Variants in MYPN observed in about 807,000 individuals in gnomAD.
The protein encoded by MYPN is myopalladin.
A neutral mutation model predicts 129.4 loss-of-function variants in MYPN; 63 were observed. The observed-to-expected ratio is 0.49, with a 90% CI of 0.40 to 0.60. The LOEUF (loss-of-function observed/expected upper bound fraction) is 0.60. Among genes scored for constraint, MYPN ranks in the 20% least tolerant of loss-of-function variants. The pLI is 0.00. For synonymous variants in MYPN, 629 were observed against 600.9 expected (o/e 1.05, Z -0.68); for missense variants, 1,596 against 1,635.4 (o/e 0.98, Z 0.42).
intron 7 of MYPN, among the ~76,000 whole-genome samples, chr10:68,160,456 CAG>C (rs796660477): frequency 4.3e-5 from 4 of 93,242 alleles, no homozygotes; most frequent in Non-Finnish European, 8.9e-5. Flanking sequence ...AAAAAAAAAA[CAG>C]AGAGAGAGAA....
chr10:68,120,996 G>A (rs998565090), intron 1 of MYPN, among the ~76,000 whole-genome samples: 2 of 152,064 alleles, frequency 1.3e-5, no homozygotes, highest in Non-Finnish European at 2.9e-5. Flanking sequence ...TTTGTAAAAG[G>A]GGGAGGGCAC....
intron 1 of MYPN, among the ~76,000 whole-genome samples, chr10:68,098,661 C>T (rs2041968264): frequency 6.6e-6 from 1 of 152,004 alleles, no homozygotes; most frequent in African/African-American, 2.4e-5. Flanking sequence ...CTGGGCAACA[C>T]GGCAAAACCT....
chr10:68,121,611 A>G lies in MYPN; in HGVS notation c.173A>G (p.Asp58Gly). 2.5e-6 allele frequency: 4 copies of G among 1,614,238 alleles called. No homozygotes were observed. The highest frequency in any genetic ancestry group is 1.3e-5 in the African/African-American group (1 of 75,070). The change falls in exon 2 of 20, where the codon GAT becomes GGT. Residue 58 changes from aspartate (D) to glycine (G), a missense_variant. Coordinates refer to ENST00000358913, the MANE Select transcript of MYPN (RefSeq NM_032578.4). The part of the protein sequence containing the change: ...SGAAEGGGGQ[D>G]DLPDLSAFLS... ...GCCGCTGAAGGAGGCGGAGGCCAAG[A>G]TGACCTTCCAGATCTTTCAGCCTTT...
chr10:68,133,113 C>T (rs1211757576), intron 2 of MYPN, among the ~76,000 whole-genome samples: 1 of 150,742 alleles, frequency 6.6e-6, no homozygotes, highest in African/African-American at 2.5e-5. Context: ...GTAACCACCA[C>T]CTTCTTGGTT....
chr10:68,129,387 A>AT (rs958743940), intron 2 of MYPN, among the ~76,000 whole-genome samples: 1 of 152,102 alleles, frequency 6.6e-6, no homozygotes, highest in Non-Finnish European at 1.5e-5. Flanking sequence ...TACTACTTGA[A>AT]TTTTTTTCTT....
At position 68,207,207 on chromosome 10, in the gene MYPN, G is replaced by A. The variant is rs1044368196; in HGVS notation, c.3793+304G>A. Among the ~76,000 whole-genome samples, 7 of 152,214 alleles carry A rather than the reference G, an allele frequency of 4.6e-5. No individual in the cohort carries two copies. In the South Asian group the frequency reaches 8.3e-4, roughly 18 times the overall value. On this transcript the variant is annotated intron_variant, in intron 19 of 19. Coordinates refer to ENST00000358913, the MANE Select transcript of MYPN (RefSeq NM_032578.4). ...CAGGAGGCAGAGGTTGCAGTGACCCGAGATTGCACCACTGCACTCCAGCCT... is the reference window on the plus strand; with the variant it reads ...CAGGAGGCAGAGGTTGCAGTGACCCAAGATTGCACCACTGCACTCCAGCCT...
At chr10:68,168,839 T>A (rs2043093864) in intron 10 of MYPN, among the ~76,000 whole-genome samples, 6 of 151,790 alleles carry the variant, frequency 4.0e-5, no homozygotes, top group Admixed American at 3.9e-4. Context: ...AAGGCCTGTT[T>A]CAAATTAGCC....
At chr10:68,203,423 T>TAA (rs201610459) in intron 18 of MYPN, among the ~76,000 whole-genome samples, 7 of 146,000 alleles carry the variant, frequency 4.8e-5, no homozygotes, top group South Asian at 2.2e-4. Flanking sequence ...ACCCCATCTC[T>TAA]AAAAAAAAAA....
intron 6 of MYPN, among the ~76,000 whole-genome samples, chr10:68,156,991 A>G (rs1441412100): frequency 6.6e-6 from 1 of 152,260 alleles, no homozygotes; most frequent in Non-Finnish European, 1.5e-5. Context: ...AATCACATGA[A>G]GTGCCAACTA....
At chr10:68,161,675 T>A in intron 7 of MYPN, 54 bp from the exon 8 acceptor site, 1 of 1,437,720 alleles carries the variant, frequency 7.0e-7, no homozygotes, top group Non-Finnish European at 9.8e-7. Flanking sequence ...CTGATGAACA[T>A]GTAGTTTCTC....
chr10:68,175,994 C>T (rs766100697), intron 12 of MYPN, among the ~76,000 whole-genome samples: 6 of 152,148 alleles, frequency 3.9e-5, no homozygotes, highest in African/African-American at 7.2e-5. Context: ...CCTCCTGCCT[C>T]AGCCTTCCAA....
upstream of MYPN, among the ~76,000 whole-genome samples, chr10:68,107,299 A>G (rs957192983): frequency 4.0e-5 from 6 of 151,692 alleles, no homozygotes; most frequent in Non-Finnish European, 8.8e-5. Context: ...AAATGAAAAG[A>G]GAAAGATGAC....
chr10:68,131,338 G>A (rs936153595), intron 2 of MYPN, among the ~76,000 whole-genome samples: 2 of 151,262 alleles, frequency 1.3e-5, no homozygotes, highest in African/African-American at 4.9e-5. Flanking sequence ...GCAGTGAGCC[G>A]AGATCGTGTC....
At chr10:68,097,592 C>T (rs912213182) in intron 1 of MYPN, among the ~76,000 whole-genome samples, 2 of 152,138 alleles carry the variant, frequency 1.3e-5, no homozygotes, top group African/African-American at 4.8e-5. Context: ...CACAGCATTC[C>T]TATGATATTT....
intron 10 of MYPN, among the ~76,000 whole-genome samples, chr10:68,172,780 A>T (rs1299355516): frequency 6.6e-6 from 1 of 152,162 alleles, no homozygotes; most frequent in Non-Finnish European, 1.5e-5. Flanking sequence ...TTCTATTAAT[A>T]ATGATGTCAG....
chr10:68,162,216 G>A (rs889857107), intron 8 of MYPN: 1 of 147,334 alleles, frequency 6.8e-6, no homozygotes, highest in Non-Finnish European at 1.5e-5. Context: ...AGCTATTATT[G>A]TAGGAGGAAA....
chr10:68,189,665 T>A (rs1488649077), intron 13 of MYPN, among the ~76,000 whole-genome samples: 1 of 152,212 alleles, frequency 6.6e-6, no homozygotes, highest in Non-Finnish European at 1.5e-5. Flanking sequence ...GACTTCCAGT[T>A]CCATCCATGT....
At chr10:68,186,546 C>T (rs2134248553) in intron 12 of MYPN, among the ~76,000 whole-genome samples, 1 of 152,284 alleles carries the variant, frequency 6.6e-6, no homozygotes, top group East Asian at 1.9e-4. Context: ...TTAGGGTTAA[C>T]TAGAGTCATA....
intron 6 of MYPN, among the ~76,000 whole-genome samples, chr10:68,153,903 C>T (rs1220241813): frequency 6.6e-6 from 1 of 151,174 alleles, no homozygotes; most frequent in Non-Finnish European, 1.5e-5. Flanking sequence ...ATTTCTTTGC[C>T]AATCGTGGCA....
Sources: allele counts gnomAD v4.1 joint callset (sites outside exome capture counted in the v4.1 genomes callset), GRCh38; gene constraint gnomAD v4.1.1; transcripts MANE v1.5; gene names NCBI Gene and HGNC (gene_info 2026-07-23, HGNC 2026-07-21).